The following KLHL1 variants were observed in gnomAD, a reference collection of about 807,000 sequenced individuals.
KLHL1 encodes the protein kelch-like protein 1.
A neutral mutation model predicts 77.7 loss-of-function variants in KLHL1; 47 were observed. The observed-to-expected ratio is 0.60, with a 90% CI of 0.48 to 0.77. The LOEUF is 0.77. KLHL1 is among the 30% of genes least tolerant of loss of function. The pLI, the probability that KLHL1 is intolerant of heterozygous loss-of-function variation, is 0.00. For missense variants in KLHL1, 925 were observed against 910.8 expected, an observed-to-expected ratio of 1.02 and a Z score of -0.20; for synonymous variants, 360 against 325.2, an observed-to-expected ratio of 1.11 and a Z score of -1.15.
intron 1 of KLHL1, among the ~76,000 whole-genome samples, chr13:70,073,482 C>T (rs955272688): frequency 5.3e-5 from 8 of 151,862 alleles, no homozygotes; most frequent in African/African-American, 1.9e-4. Flanking sequence ...GGGTGCAGCA[C>T]ACAAACATGT....
chr13:69,766,769 A>G (rs1303046433), intron 7 of KLHL1, among the ~76,000 whole-genome samples: 2 of 152,130 alleles, frequency 1.3e-5, no homozygotes, highest in Non-Finnish European at 2.9e-5. Context: ...GTCATAGTGC[A>G]TCAGGTAAAA....
chr13:69,717,789 T>C (rs1872836457), intron 9 of KLHL1, among the ~76,000 whole-genome samples: 1 of 152,106 alleles, frequency 6.6e-6, no homozygotes, highest in Non-Finnish European at 1.5e-5. Flanking sequence ...TGATTGCACA[T>C]TTGTGAGTAT....
chr13:69,723,112 C>T (rs1873145000), intron 8 of KLHL1, among the ~76,000 whole-genome samples: 1 of 152,030 alleles, frequency 6.6e-6, no homozygotes, highest in Admixed American at 6.6e-5. Context: ...CACATGTATA[C>T]TCTAAAAAGA....
At chr13:69,791,349 G>A (rs904371654) in intron 7 of KLHL1, among the ~76,000 whole-genome samples, 4 of 151,730 alleles carry the variant, frequency 2.6e-5, no homozygotes, top group African/African-American at 9.7e-5. Flanking sequence ...TTTTTACGTG[G>A]CAATACTCAC....
chr13:70,068,423 A>G (rs958461904), intron 1 of KLHL1, among the ~76,000 whole-genome samples: 2 of 152,250 alleles, frequency 1.3e-5, no homozygotes, highest in Non-Finnish European at 2.9e-5. Context: ...TTAATGAATT[A>G]TGATTTTATT....
rs2137463831 is a variant in KLHL1, at chr13:70,107,892, G to A, written c.-193C>T. ...TGGAGCGCAGACGGCAAAGCCGCGC[G>A]TTTCAGCCGTGGTCGGGTCCGCAGG... On this transcript the variant is annotated 5_prime_UTR_variant, in exon 1 of 11. It adds an upstream start codon to the 5' untranslated region. Transcript: ENST00000377844. 3.8e-6 allele frequency: 2 copies of A among 532,998 alleles called. No homozygotes were observed. The highest frequency in any genetic ancestry group is 3.1e-5 in the South Asian group (1 of 31,826). The allele number at this position is 532,998 out of a possible 1,614,324, so 33.0% of individuals were successfully genotyped here. A position where few individuals can be genotyped will look rare whatever the true frequency, so the allele number is the denominator to read the frequency against.
intron 7 of KLHL1, among the ~76,000 whole-genome samples, chr13:69,782,996 G>A (rs890253986): frequency 2.6e-5 from 4 of 152,166 alleles, no homozygotes; most frequent in South Asian, 2.1e-4. Context: ...CAGCATTTGC[G>A]GTTCACCAAG....
intron 1 of KLHL1, among the ~76,000 whole-genome samples, chr13:70,096,929 G>T (rs910979110): frequency 2.0e-5 from 3 of 151,948 alleles, no homozygotes; most frequent in African/African-American, 7.2e-5. Flanking sequence ...GTATAATCTA[G>T]ATTCCACAGC....
chr13:69,799,697 C>T (rs1174996267), intron 6 of KLHL1, among the ~76,000 whole-genome samples: 1 of 152,142 alleles, frequency 6.6e-6, no homozygotes, highest in Non-Finnish European at 1.5e-5. Flanking sequence ...TATTTCTGCA[C>T]TAAAATCAAA....
intron 6 of KLHL1, among the ~76,000 whole-genome samples, chr13:69,814,291 C>A (rs556933487): frequency 6.6e-6 from 1 of 151,992 alleles, no homozygotes; most frequent in African/African-American, 2.4e-5. Flanking sequence ...CCATAAAAAT[C>A]ATAGAACAAT....
chr13:70,014,962 A>C (rs2137343534), intron 1 of KLHL1, among the ~76,000 whole-genome samples: 1 of 150,572 alleles, frequency 6.6e-6, no homozygotes, highest in East Asian at 1.9e-4. Context: ...GGTTTATTAA[A>C]AATTAAGCAA....
At chr13:70,099,308 C>T (rs941561375) in intron 1 of KLHL1, among the ~76,000 whole-genome samples, 2 of 151,332 alleles carry the variant, frequency 1.3e-5, no homozygotes, top group African/African-American at 4.9e-5. Context: ...AATGTAAAGC[C>T]TATGAGCAGT....
At chr13:70,017,615 A>G (rs1885690101) in intron 1 of KLHL1, among the ~76,000 whole-genome samples, 1 of 152,186 alleles carries the variant, frequency 6.6e-6, no homozygotes, top group African/African-American at 2.4e-5. Context: ...GCAGCCTGCT[A>G]GGCAGAGTAG....
intron 1 of KLHL1, among the ~76,000 whole-genome samples, chr13:70,028,940 G>C (rs1886022535): frequency 6.7e-6 from 1 of 149,720 alleles, no homozygotes; most frequent in African/African-American, 2.4e-5. Context: ...TTGCGCCACT[G>C]CACTGCATTC....
intron 7 of KLHL1, among the ~76,000 whole-genome samples, chr13:69,746,049 A>G (rs891987953): frequency 1.3e-5 from 2 of 151,634 alleles, no homozygotes; most frequent in African/African-American, 4.8e-5. Context: ...TATTACTGAA[A>G]TGATCACTTT....
At chr13:69,943,198 GTGTCATACAA>G (rs145983235) in intron 3 of KLHL1, among the ~76,000 whole-genome samples, 1,558 of 152,004 alleles carry the variant, frequency 0.01, 25 homozygotes, top group African/African-American at 0.035. Context: ...GTGGCTTTGA[GTGTCATACAA>G]TGTTTTAGGC....
chr13:69,861,794 A>C (rs1399759708), intron 5 of KLHL1, among the ~76,000 whole-genome samples: 15 of 147,954 alleles, frequency 1.0e-4, no homozygotes, highest in African/African-American at 3.2e-4. Flanking sequence ...CTAAAAAAAA[A>C]AAAAAAAAAA....
chr13:69,891,935 A>C (rs1222547090), intron 4 of KLHL1, among the ~76,000 whole-genome samples: 4 of 152,030 alleles, frequency 2.6e-5, no homozygotes, highest in African/African-American at 9.7e-5. Flanking sequence ...CAGCTAAACA[A>C]TACTACTTCT....
chr13:69,761,362 A>G (rs1281713055), intron 7 of KLHL1, among the ~76,000 whole-genome samples: 1 of 152,140 alleles, frequency 6.6e-6, no homozygotes, highest in East Asian at 1.9e-4. Context: ...CTGAAACTCT[A>G]TTTATTAATA....
Sources: gnomAD v4.1 joint callset for allele counts (sites outside exome capture counted in the v4.1 genomes callset) on GRCh38, gnomAD v4.1.1 for gene constraint, MANE v1.5 for transcripts, NCBI Gene and HGNC (gene_info 2026-07-23, HGNC 2026-07-21) for gene names.